Variants in FRMD5 observed in about 807,000 individuals in gnomAD.
FRMD5 encodes the protein FERM domain containing 5, also known as FERM domain-containing protein 5.
In FRMD5, 20 loss-of-function variants were observed where a neutral mutation model predicts 69.0. The ratio of observed to expected loss-of-function variants is 0.29; its 90% confidence interval spans 0.20 to 0.42. The LOEUF (loss-of-function observed/expected upper bound fraction) is 0.42. Among genes scored for constraint, FRMD5 ranks in the 10% least tolerant of loss-of-function variants. The pLI is 1.00. For missense variants in FRMD5, 595 were observed against 708.6 expected (o/e 0.84, Z 1.82); for synonymous variants, 271 against 260.1 (o/e 1.04, Z -0.40).
At chr15:44,045,746 GA>G (rs879709849) in intron 1 of FRMD5, among the ~76,000 whole-genome samples, 8 of 152,146 alleles carry the variant, frequency 5.3e-5, no homozygotes, top group Admixed American at 2.0e-4. Context: ...GCAGAAAGGA[GA>G]AATGTAGTAT....
chr15:44,088,247 G>C (rs1229817805), intron 1 of FRMD5, among the ~76,000 whole-genome samples: 1 of 151,930 alleles, frequency 6.6e-6, no homozygotes, highest in East Asian at 1.9e-4. Flanking sequence ...ATCAGTTTTA[G>C]AGCATTTTCA....
intron 1 of FRMD5, among the ~76,000 whole-genome samples, chr15:44,128,138 A>C (rs1566960715): frequency 6.6e-6 from 1 of 152,234 alleles, no homozygotes; most frequent in Non-Finnish European, 1.5e-5. Flanking sequence ...AAAATGCCCA[A>C]AAGAGCAACT....
chr15:44,164,726 G>A (rs536101785), intron 1 of FRMD5, among the ~76,000 whole-genome samples: 1 of 152,300 alleles, frequency 6.6e-6, no homozygotes, highest in Non-Finnish European at 1.5e-5. Context: ...CTTGGGCTTG[G>A]CTACTCAGAC....
rs16946987 is a variant in FRMD5 at position 43,915,467 on chromosome 15, G to C, written c.329+3992C>G. On this transcript the variant is annotated intron_variant, in intron 4 of 13. Coordinates refer to ENST00000417257, the MANE Select transcript of FRMD5 (RefSeq NM_032892.5). ...TGATTCATCCTGTTAACGTTTTTTGGAGCACCTGTTGTGTGTCAGACATTT... is the reference window on the plus strand; with the variant it reads ...TGATTCATCCTGTTAACGTTTTTTGCAGCACCTGTTGTGTGTCAGACATTT... 4.4e-3 allele frequency among the ~76,000 whole-genome samples: 674 copies of C among 152,180 alleles called. 8 individuals carry two copies. Among genetic ancestry groups the C allele is most frequent in the African/African-American group, 0.015 (629 of 41,514 alleles).
chr15:44,194,677 G>C, intron 1 of FRMD5: 1 of 491,416 alleles, frequency 2.0e-6, no homozygotes, highest in Non-Finnish European at 3.6e-6. Flanking sequence ...GAGGAACCAG[G>C]ACGGGGCGCC....
intron 8 of FRMD5, among the ~76,000 whole-genome samples, chr15:43,889,307 G>A (rs1190177391): frequency 6.6e-6 from 1 of 152,186 alleles, no homozygotes; most frequent in African/African-American, 2.4e-5. Flanking sequence ...ATGCAACCAG[G>A]TTCTGAGGGA....
intron 1 of FRMD5, among the ~76,000 whole-genome samples, chr15:44,193,174 G>A (rs1261757827): frequency 2.0e-5 from 3 of 152,114 alleles, no homozygotes; most frequent in Non-Finnish European, 4.4e-5. Context: ...CATTTCTAGC[G>A]AAATGGTGAT....
intron 1 of FRMD5, among the ~76,000 whole-genome samples, chr15:44,062,716 G>C (rs1893141916): frequency 1.3e-5 from 2 of 151,532 alleles, no homozygotes; most frequent in Admixed American, 1.3e-4. Flanking sequence ...AAGTATATGG[G>C]AGAATGTACA....
At chr15:44,108,593 C>T (rs1285842006) in intron 1 of FRMD5, among the ~76,000 whole-genome samples, 1 of 151,992 alleles carries the variant, frequency 6.6e-6, no homozygotes, top group Non-Finnish European at 1.5e-5. Flanking sequence ...TGTAGTGAGC[C>T]GAGATCACGC....
chr15:44,147,302 T>C (rs1391865938), intron 1 of FRMD5, among the ~76,000 whole-genome samples: 3 of 152,160 alleles, frequency 2.0e-5, no homozygotes, highest in African/African-American at 7.2e-5. Context: ...TGGTTGTGGA[T>C]GATGTGCAGT....
chr15:44,165,471 G>C (rs766905120), intron 1 of FRMD5, among the ~76,000 whole-genome samples: 1 of 152,038 alleles, frequency 6.6e-6, no homozygotes, highest in Non-Finnish European at 1.5e-5. Flanking sequence ...GGGTGCTATT[G>C]CTTGCAACTA....
At chr15:43,999,150 C>T (rs1890069565) in intron 1 of FRMD5, among the ~76,000 whole-genome samples, 2 of 151,310 alleles carry the variant, frequency 1.3e-5, no homozygotes, top group Admixed American at 6.6e-5. Flanking sequence ...TCACTGCAAC[C>T]TCCACCTCCC....
intron 1 of FRMD5, among the ~76,000 whole-genome samples, chr15:44,185,221 A>G (rs1206375021): frequency 6.6e-6 from 1 of 152,216 alleles, no homozygotes; most frequent in Non-Finnish European, 1.5e-5. Flanking sequence ...CTAGAATCTG[A>G]AGCTGGGCAT....
intron 1 of FRMD5, among the ~76,000 whole-genome samples, chr15:43,997,926 T>TA (rs539765130): frequency 9.3e-4 from 142 of 152,292 alleles, no homozygotes; most frequent in Non-Finnish European, 1.7e-3. Context: ...GTAGGCCTCT[T>TA]AAAGGCCTCT....
At position 44,012,103 on chromosome 15, in the gene FRMD5, GGAT is replaced by G. The variant is rs1174926332; in HGVS notation, c.103-87797_103-87795del. ...AAATTTCTAAAGACCTTCATTTTAA[GGAT>G]TCAGCAGATACTGACAAATATTGAC... On this transcript the variant is annotated intron_variant, in intron 1 of 13. Transcript: ENST00000417257. 2.0e-5 allele frequency among the ~76,000 whole-genome samples: 3 copies of G among 152,254 alleles called. No homozygotes were observed. In the East Asian group the frequency reaches 5.8e-4, roughly 29 times the overall value.
intron 1 of FRMD5, among the ~76,000 whole-genome samples, chr15:44,023,025 GGA>G (rs749106567): frequency 2.6e-5 from 4 of 152,122 alleles, no homozygotes; most frequent in Non-Finnish European, 5.9e-5. Context: ...GAAATGTTGG[GGA>G]GAGGAGTGAG....
intron 1 of FRMD5, among the ~76,000 whole-genome samples, chr15:44,105,565 A>C (rs1436783240): frequency 6.6e-6 from 1 of 152,110 alleles, no homozygotes; most frequent in African/African-American, 2.4e-5. Context: ...GTTAGATTTA[A>C]ATGGTGGCAA....
At chr15:43,914,054 A>C (rs576039155) in intron 4 of FRMD5, among the ~76,000 whole-genome samples, 10 of 152,298 alleles carry the variant, frequency 6.6e-5, no homozygotes, top group Middle Eastern at 3.4e-3. Flanking sequence ...GTTGTCCTAA[A>C]TTGATTGGAG....
At chr15:44,110,987 T>G (rs1027003840) in intron 1 of FRMD5, among the ~76,000 whole-genome samples, 2 of 152,208 alleles carry the variant, frequency 1.3e-5, no homozygotes, top group African/African-American at 4.8e-5. Context: ...ACAACTCTAT[T>G]ATAATGCTAC....
Sources: allele counts gnomAD v4.1 joint callset (sites outside exome capture counted in the v4.1 genomes callset), GRCh38; gene constraint gnomAD v4.1.1; transcripts MANE v1.5; gene names NCBI Gene and HGNC (gene_info 2026-07-23, HGNC 2026-07-21).